LPP: variants seen among roughly 807,000 people sequenced by gnomAD.
The protein encoded by LPP is lipoma-preferred partner.
LPP carries 38 observed loss-of-function variants against 60.4 expected under a neutral mutation model. The ratio of observed to expected loss-of-function variants is 0.63; its 90% CI spans 0.49 to 0.83. The LOEUF (loss-of-function observed/expected upper bound fraction) is 0.83, where lower values mean the gene tolerates loss of function less well. Among genes scored for constraint, LPP ranks in the 40% least tolerant of loss-of-function variants. The probability of loss-of-function intolerance (pLI) is 0.00; values close to 1 mark genes in which losing one functional copy is unlikely to be tolerated. For synonymous variants in LPP, 328 were observed against 290.8 expected (o/e 1.13, Z -1.30); for missense variants, 902 against 783.6 (o/e 1.15, Z -1.80).
At chr3:188,521,642 T>A (rs1396236924) in intron 5 of LPP, among the ~76,000 whole-genome samples, 2 of 152,252 alleles carry the variant, frequency 1.3e-5, no homozygotes, top group Admixed American at 1.3e-4. Flanking sequence ...TAATTAATGC[T>A]ATTTAGGAAA....
intron 8 of LPP, among the ~76,000 whole-genome samples, chr3:188,733,524 G>A (rs529555592): frequency 2.6e-5 from 4 of 152,164 alleles, no homozygotes; most frequent in African/African-American, 9.6e-5. Context: ...ATTGTTTCAT[G>A]CACTTCAACA....
In LPP at chr3:188,609,068, A is replaced by C; in HGVS notation, c.430-93A>C. ...TACATAGTAATAAATAATAATTAGC[A>C]GTTATTAATATTTTTCATTTATTCA... On this transcript the variant is annotated intron_variant, in intron 6 of 11. Coordinates refer to ENST00000617246, the MANE Select transcript of LPP (RefSeq NM_001375462.1). The surrounding 1 kb of genome is among the most constrained non-coding windows in gnomAD (Gnocchi z 6.9). The C allele has an allele frequency of 1.1e-6, 1 of 884,866 alleles. No homozygotes were observed. The highest frequency in any genetic ancestry group is 1.7e-6 in the Non-Finnish European group (1 of 575,350). 54.8% of individuals were successfully genotyped at this position (884,866 alleles called of 1,614,324 possible). A position where few individuals can be genotyped will look rare whatever the true frequency, so the allele number is the denominator to read the frequency against.
At chr3:188,459,956 T>G (rs1798621645) in intron 4 of LPP, among the ~76,000 whole-genome samples, 1 of 152,158 alleles carries the variant, frequency 6.6e-6, no homozygotes, top group Non-Finnish European at 1.5e-5. Flanking sequence ...AAATTGGAAA[T>G]ATCTACCTTC....
At chr3:188,596,959 T>A (rs1840105262) in intron 6 of LPP, among the ~76,000 whole-genome samples, 1 of 152,194 alleles carries the variant, frequency 6.6e-6, no homozygotes, top group African/African-American at 2.4e-5. Flanking sequence ...GCCTACTTTG[T>A]GATTTCCATG....
At chr3:188,775,346 C>T (rs916531159) in intron 9 of LPP, among the ~76,000 whole-genome samples, 9 of 152,124 alleles carry the variant, frequency 5.9e-5, no homozygotes, top group South Asian at 2.1e-4. Context: ...CCACCACACC[C>T]GGCCCATGCT....
intron 9 of LPP, among the ~76,000 whole-genome samples, chr3:188,795,298 T>C (rs1745003275): frequency 1.3e-5 from 2 of 152,242 alleles, no homozygotes; most frequent in African/African-American, 4.8e-5. Context: ...AGCAAACACA[T>C]TTTTAAATCT....
chr3:188,702,017 TG>T (rs1266691731), intron 7 of LPP, among the ~76,000 whole-genome samples: 1 of 141,746 alleles, frequency 7.1e-6, no homozygotes, highest in Non-Finnish European at 1.5e-5. Flanking sequence ...TGATGTGATC[TG>T]GGCTCACTGC....
intron 9 of LPP, among the ~76,000 whole-genome samples, chr3:188,772,341 A>G (rs1736305903): frequency 6.6e-6 from 1 of 152,158 alleles, no homozygotes; most frequent in Admixed American, 6.5e-5. Flanking sequence ...ACCATTTCTG[A>G]ACATGCAAGG....
At chr3:188,485,097 C>T (rs1805953427) in intron 5 of LPP, among the ~76,000 whole-genome samples, 1 of 152,118 alleles carries the variant, frequency 6.6e-6, no homozygotes, top group Admixed American at 6.5e-5. Flanking sequence ...GTAAGGCTGA[C>T]ATTTTAAGGC....
intron 2 of LPP, chr3:188,239,868 G>T: frequency 4.7e-6 from 1 of 211,738 alleles, no homozygotes; most frequent in Non-Finnish European, 9.6e-6. Flanking sequence ...GGCTTGGATG[G>T]GTATTTGCTT....
At chr3:188,856,699 G>T (rs918793709) in intron 9 of LPP, among the ~76,000 whole-genome samples, 1 of 152,148 alleles carries the variant, frequency 6.6e-6, no homozygotes, top group African/African-American at 2.4e-5. Context: ...GTGAATTCCA[G>T]CTACTCTGGA....
At chr3:188,432,567 G>T (rs1342606861) in intron 4 of LPP, among the ~76,000 whole-genome samples, 1 of 151,792 alleles carries the variant, frequency 6.6e-6, no homozygotes, top group Admixed American at 6.6e-5. Context: ...ACGGCAAGAA[G>T]AATTTTTTTT....
At chr3:188,336,172 A>G (rs2150576665) in intron 2 of LPP, among the ~76,000 whole-genome samples, 1 of 152,238 alleles carries the variant, frequency 6.6e-6, no homozygotes, top group East Asian at 1.9e-4. Context: ...CATGTCAGAT[A>G]TCACATGACC....
intron 6 of LPP, among the ~76,000 whole-genome samples, chr3:188,532,235 C>G (rs538982648): frequency 2.2e-4 from 34 of 151,832 alleles, no homozygotes; most frequent in Admixed American, 1.2e-3. Flanking sequence ...GGCGAAACCC[C>G]AGCTCTACTA....
chr3:188,593,797 T>C (rs1218117140), intron 6 of LPP, among the ~76,000 whole-genome samples: 1 of 152,220 alleles, frequency 6.6e-6, no homozygotes, highest in African/African-American at 2.4e-5. Context: ...GGCTGAGCAG[T>C]ATTCCACTGT....
At chr3:188,528,932 C>CA (rs909122594) in intron 6 of LPP, among the ~76,000 whole-genome samples, 4 of 151,446 alleles carry the variant, frequency 2.6e-5, no homozygotes, top group Non-Finnish European at 4.4e-5. Context: ...TTCAGAAGGT[C>CA]AAAAAAAATT....
chr3:188,435,122 T>C (rs1004923482), intron 4 of LPP, among the ~76,000 whole-genome samples: 1 of 152,282 alleles, frequency 6.6e-6, no homozygotes, highest in East Asian at 1.9e-4. Context: ...TAATTTAATC[T>C]TACTGGGAAG....
At chr3:188,489,379 T>A (rs921954660) in intron 5 of LPP, among the ~76,000 whole-genome samples, 4 of 152,106 alleles carry the variant, frequency 2.6e-5, no homozygotes, top group Non-Finnish European at 5.9e-5. Context: ...GCAAGAAGGA[T>A]TCATAGAAAC....
chr3:188,684,899 G>C (rs1318867815), intron 7 of LPP, among the ~76,000 whole-genome samples: 1 of 152,176 alleles, frequency 6.6e-6, no homozygotes, highest in Non-Finnish European at 1.5e-5. Context: ...TAAGATCCCT[G>C]AATATGTGCT....
Sources: allele counts gnomAD v4.1 joint callset (sites outside exome capture counted in the v4.1 genomes callset), GRCh38; gene constraint gnomAD v4.1.1; non-coding constraint Gnocchi (gnomAD v3.1); transcripts MANE v1.5; gene names NCBI Gene and HGNC (gene_info 2026-07-23, HGNC 2026-07-21).